The following KLHL1 variants were observed in gnomAD, a reference collection of about 807,000 sequenced individuals.
KLHL1 encodes kelch-like protein 1.
In KLHL1, 47 loss-of-function variants were observed where a neutral mutation model predicts 77.7. The ratio of observed to expected loss-of-function variants is 0.60; its 90% CI spans 0.48 to 0.77. The LOEUF (loss-of-function observed/expected upper bound fraction) is 0.77, where lower values mean the gene tolerates loss of function less well. KLHL1 is among the 30% of genes least tolerant of loss of function. The pLI is 0.00. For synonymous variants in KLHL1, 360 were observed against 325.2 expected (o/e 1.11, Z -1.15); for missense variants, 925 against 910.8 (o/e 1.02, Z -0.20).
chr13:69,731,876 A>G (rs781452004), intron 8 of KLHL1, among the ~76,000 whole-genome samples: 5 of 152,184 alleles, frequency 3.3e-5, no homozygotes, highest in Non-Finnish European at 5.9e-5. Flanking sequence ...CACAAGTAGT[A>G]AATAGAAAAA....
chr13:69,851,942 C>G (rs932032482), intron 5 of KLHL1, among the ~76,000 whole-genome samples: 1 of 151,868 alleles, frequency 6.6e-6, no homozygotes, highest in African/African-American at 2.4e-5. Context: ...GAAATTATTA[C>G]TTGAAATTGA....
At chr13:69,846,887 A>G (rs1879484976) in intron 5 of KLHL1, among the ~76,000 whole-genome samples, 1 of 151,390 alleles carries the variant, frequency 6.6e-6, no homozygotes, top group Non-Finnish European at 1.5e-5. Context: ...AAGGTATTTC[A>G]AATAATCTTC....
chr13:69,712,041 A>C (rs546464551), intron 9 of KLHL1, among the ~76,000 whole-genome samples: 1 of 152,024 alleles, frequency 6.6e-6, no homozygotes, highest in African/African-American at 2.4e-5. Flanking sequence ...GTTCTTGTTC[A>C]AATCTTCTGC....
chr13:69,843,423 T>G (rs1329153817), intron 5 of KLHL1, among the ~76,000 whole-genome samples: 1 of 151,708 alleles, frequency 6.6e-6, no homozygotes, highest in African/African-American at 2.4e-5. Context: ...ATCTTTAAAT[T>G]TTGGCATATG....
chr13:70,055,523 T>C lies in KLHL1; in HGVS notation c.497+51680A>G, dbSNP rs932774889. Among the ~76,000 whole-genome samples, 5 of 151,910 alleles carry C rather than the reference T, an allele frequency of 3.3e-5. No individual in the cohort carries two copies. The South Asian group carries it at 6.2e-4, about 19-fold the overall frequency. On this transcript the variant is annotated intron_variant, in intron 1 of 10. Coordinates refer to ENST00000377844, the MANE Select transcript of KLHL1 (RefSeq NM_020866.3). ...TAAATACACAGACAAATACAAAATA[T>C]TGTAACACTAAGATTGCATTAACTA...
chr13:70,045,893 T>C (rs1395501648), intron 1 of KLHL1, among the ~76,000 whole-genome samples: 3 of 152,232 alleles, frequency 2.0e-5, no homozygotes, highest in Non-Finnish European at 4.4e-5. Flanking sequence ...TCAAAGCTTT[T>C]AATCACATTT....
At chr13:70,019,941 T>G (rs1322976375) in intron 1 of KLHL1, among the ~76,000 whole-genome samples, 1 of 151,940 alleles carries the variant, frequency 6.6e-6, no homozygotes, top group African/African-American at 2.4e-5. Context: ...CTTTCAGGAG[T>G]GAATTAACTC....
chr13:69,943,774 A>G (rs978308583), intron 3 of KLHL1, among the ~76,000 whole-genome samples: 2 of 152,152 alleles, frequency 1.3e-5, no homozygotes, highest in Admixed American at 1.3e-4. Flanking sequence ...ACCCTTCAAC[A>G]TATTGTTTTG....
At chr13:69,715,982 A>G (rs1311158436) in intron 9 of KLHL1, among the ~76,000 whole-genome samples, 10 of 152,136 alleles carry the variant, frequency 6.6e-5, no homozygotes, top group African/African-American at 2.4e-4. Flanking sequence ...TCCTCTTAAA[A>G]TATATGGAAA....
rs192833264 is a variant in KLHL1, at chr13:69,878,856, G to A, written c.1227+3427C>T. On this transcript the variant is annotated intron_variant, in intron 5 of 10. Coordinates refer to ENST00000377844, the MANE Select transcript of KLHL1 (RefSeq NM_020866.3). ...GCAAAGACTTGGAACCAACCCAGAT[G>A]TCCAACAATGATAGACTGGATTAAG... Among the ~76,000 whole-genome samples, 25 of 152,178 alleles carry A rather than the reference G, an allele frequency of 1.6e-4. No individual in the cohort carries two copies. In the East Asian group the frequency reaches 3.3e-3, roughly 20 times the overall value.
chr13:69,856,537 C>G (rs1344050891), intron 5 of KLHL1, among the ~76,000 whole-genome samples: 1 of 152,066 alleles, frequency 6.6e-6, no homozygotes, highest in East Asian at 1.9e-4. Flanking sequence ...ATTCTCAACA[C>G]TACCCTCGGT....
intron 1 of KLHL1, among the ~76,000 whole-genome samples, chr13:69,978,071 T>G (rs140581076): frequency 2.0e-5 from 3 of 152,250 alleles, no homozygotes; most frequent in African/African-American, 7.2e-5. Flanking sequence ...GTTCGCAAAT[T>G]ACAACCCCAG....
intron 1 of KLHL1, among the ~76,000 whole-genome samples, chr13:70,097,734 T>C (rs1018508384): frequency 6.6e-6 from 1 of 151,900 alleles, no homozygotes; most frequent in Non-Finnish European, 1.5e-5. Context: ...GGCAAGGTGG[T>C]CTCCTTAAGA....
intron 6 of KLHL1, among the ~76,000 whole-genome samples, chr13:69,834,986 T>C (rs946820716): frequency 4.6e-5 from 7 of 152,134 alleles, no homozygotes; most frequent in African/African-American, 1.7e-4. Flanking sequence ...TTATTTGCAT[T>C]TTAGAGATGT....
In KLHL1 at chr13:69,877,461, C is replaced by CTA. The variant is rs1007551985; in HGVS notation, c.1227+4820_1227+4821dup. Among the ~76,000 whole-genome samples, 108 of 150,046 alleles carry CTA rather than the reference C, an allele frequency of 7.2e-4. 1 individual carries two copies. The highest frequency in any genetic ancestry group is 2.2e-3 in the African/African-American group (88 of 40,108). ...TCAAATCAGGTATCCTCTAAGTAAA[C>CTA]TATATATATATATTTTTTTTTCAGT... is the stretch of plus-strand genomic sequence containing the variant. On this transcript the variant is annotated intron_variant, in intron 5 of 10. Transcript: ENST00000377844.
intron 1 of KLHL1, among the ~76,000 whole-genome samples, chr13:70,048,957 T>C (rs1309641603): frequency 6.6e-6 from 1 of 152,220 alleles, no homozygotes; most frequent in African/African-American, 2.4e-5. Flanking sequence ...TATCTACTTT[T>C]GTTTTGCTTG....
chr13:69,747,211 T>G (rs77437129), intron 7 of KLHL1, among the ~76,000 whole-genome samples: 2,232 of 152,190 alleles, frequency 0.015, 57 homozygotes, highest in African/African-American at 0.051. Flanking sequence ...CTTACTCAGA[T>G]AGCAGATACT....
intron 5 of KLHL1, among the ~76,000 whole-genome samples, chr13:69,881,384 T>C (rs1335400067): frequency 6.6e-6 from 1 of 152,158 alleles, no homozygotes; most frequent in Non-Finnish European, 1.5e-5. Flanking sequence ...ACATATGGAT[T>C]AGTAAAAATG....
At chr13:70,025,881 G>C (rs1885928347) in intron 1 of KLHL1, among the ~76,000 whole-genome samples, 2 of 151,936 alleles carry the variant, frequency 1.3e-5, no homozygotes, top group Admixed American at 6.6e-5. Flanking sequence ...AAATAACAGA[G>C]ACAAAACATT....
Sources: gnomAD v4.1 joint callset for allele counts (sites outside exome capture counted in the v4.1 genomes callset) on GRCh38, gnomAD v4.1.1 for gene constraint, MANE v1.5 for transcripts, NCBI Gene and HGNC (gene_info 2026-07-23, HGNC 2026-07-21) for gene names.